The following ADAD2 variants were observed in gnomAD, a reference collection of about 807,000 sequenced individuals.
ADAD2 encodes the protein adenosine deaminase domain containing 2.
In ADAD2, 60 loss-of-function variants were observed where a neutral mutation model predicts 54.5. The observed-to-expected ratio is 1.10, with a 90% confidence interval of 0.89 to 1.36. The LOEUF (loss-of-function observed/expected upper bound fraction) is 1.36. ADAD2 is among the 40% of genes most tolerant of loss of function. The pLI, the probability that ADAD2 is intolerant of heterozygous loss-of-function variation, is 0.00. For missense variants in ADAD2, 1,103 were observed against 801.3 expected (o/e 1.38, Z -4.54); for synonymous variants, 543 against 366.2 (o/e 1.48, Z -5.51).
rs984052987 is a variant in ADAD2, at chr16:84,196,982, C to T, written c.*8C>T. The T allele has an allele frequency of 1.3e-6, 2 of 1,585,110 alleles. No homozygotes were observed. Among genetic ancestry groups the T allele is most frequent in the Non-Finnish European group, 1.7e-6 (2 of 1,166,754 alleles). On this transcript the variant is annotated 3_prime_UTR_variant, in exon 10 of 10. Transcript: ENST00000315906. The stretch of plus-strand genomic sequence containing the variant: ...GGCAAATTCAGAAACTGAAGCCAGC[C>T]TCGGCGGGACCGAGGTCCCGGAGCC...
chr16:84,192,327 T>G (rs2089666521), intron 1 of ADAD2, among the ~76,000 whole-genome samples: 1 of 152,072 alleles, frequency 6.6e-6, no homozygotes, highest in Non-Finnish European at 1.5e-5. Flanking sequence ...GTATTTTTTT[T>G]GTAGAGATTA....
intron 1 of ADAD2, 36 bp downstream of exon 1, chr16:84,191,684 C>G (rs1249216501): frequency 6.5e-7 from 1 of 1,547,512 alleles, no homozygotes; most frequent in Non-Finnish European, 8.7e-7. Flanking sequence ...TGCCAGAGGG[C>G]AGAGCCACGG....
At chr16:84,194,820 T>A in intron 2 of ADAD2, 113 bp from the exon 3 acceptor site, 1 of 1,319,004 alleles carries the variant, frequency 7.6e-7, no homozygotes, top group Non-Finnish European at 1.0e-6. Context: ...GCAGCTCGTG[T>A]AATGTCCTGT....
intron 1 of ADAD2, chr16:84,191,974 T>G: frequency 2.1e-6 from 1 of 468,668 alleles, no homozygotes; most frequent in Non-Finnish European, 3.9e-6. Flanking sequence ...CAATTTAAGT[T>G]GCCGTGCTAG....
chr16:84,194,001 C>T (rs753198184), intron 1 of ADAD2: 8 of 1,567,206 alleles, frequency 5.1e-6, no homozygotes, highest in Non-Finnish European at 6.9e-6. Flanking sequence ...GATACTGTTT[C>T]ATAGGAAAAG....
chr16:84,196,565 A>T (rs2089733745), intron 8 of ADAD2, 82 bp from the exon 9 acceptor site: 7 of 1,573,380 alleles, frequency 4.4e-6, no homozygotes, highest in Non-Finnish European at 5.2e-6. Context: ...ACAGTGTGAG[A>T]GGAGGTAGTG....
Position 84,196,664 on chromosome 16 carries a change from C to T in ADAD2, c.1544C>T (p.Pro515Leu), listed in dbSNP as rs1447440987. The T allele has an allele frequency of 6.2e-7, 1 of 1,613,552 alleles. No individual in the cohort carries two copies. The highest frequency in any genetic ancestry group is 1.7e-5 in the Admixed American group (1 of 60,016). ...TCATCCAGTGCCGCCCTGGGGCCTC[C>T]CTCCCGTCTCTGCAAGGCCTCCTTT... ...RVKANAALGPPSRLCKASFLR... is the reference protein window; with the variant it reads ...RVKANAALGPLSRLCKASFLR... The change falls in exon 9 of 10, where the codon CCC becomes CTC. Residue 515 changes from proline to leucine, a missense_variant. Coordinates refer to ENST00000315906, the MANE Select transcript of ADAD2 (RefSeq NM_001145400.2).
At position 84,191,222 on chromosome 16, in the gene ADAD2, T is replaced by C; in HGVS notation, c.-9T>C. Reference sequence around the variant, plus strand: ...TAGGGCCTAGCGCCTCAGATCTTCGTTGGCGGCCATGGCTTCGGCTTCTCA... The same window carrying C: ...TAGGGCCTAGCGCCTCAGATCTTCGCTGGCGGCCATGGCTTCGGCTTCTCA... On this transcript the variant is annotated 5_prime_UTR_variant, in exon 1 of 10. Coordinates refer to ENST00000315906, the MANE Select transcript of ADAD2 (RefSeq NM_001145400.2). 6.2e-7 allele frequency: 1 copy of C among 1,606,676 alleles called. No homozygotes were observed. Among genetic ancestry groups the C allele is most frequent in the East Asian group, 2.2e-5 (1 of 44,690 alleles).
At position 84,194,961 on chromosome 16, in the gene ADAD2, A is replaced by G; in HGVS notation, c.588A>G (p.Pro196=). 6.2e-7 allele frequency: 1 copy of G among 1,612,474 alleles called. No homozygotes were observed. The highest frequency in any genetic ancestry group is 8.5e-7 in the Non-Finnish European group (1 of 1,179,484). The stretch of plus-strand genomic sequence containing the variant: ...CCCCCCAGACCTCCAGCCGGCCTCC[A>G]CTGGCCCCCCTGAGCGTAGGTAGGT... ...PESPQTSSRP[P]LAPLSVENIL... Residue 196 remains proline, a synonymous_variant, in exon 3 of 10, where the codon CCA becomes CCG. Coordinates refer to ENST00000315906, the MANE Select transcript of ADAD2 (RefSeq NM_001145400.2).
In ADAD2 at chr16:84,196,651, G is replaced by A. The variant is rs200997815; in HGVS notation, c.1531G>A (p.Ala511Thr). ...VATGRVKANAALGPPSRLCKA... is the reference protein window; with the variant it reads ...VATGRVKANATLGPPSRLCKA... ...TGGTATCCTCTCTTCATCCAGTGCCGCCCTGGGGCCTCCCTCCCGTCTCTG... is the reference window on the plus strand; with the variant it reads ...TGGTATCCTCTCTTCATCCAGTGCCACCCTGGGGCCTCCCTCCCGTCTCTG... Residue 511 changes from alanine to threonine, a missense_variant, in exon 9 of 10, where the codon GCC (alanine) becomes ACC (threonine). By Grantham distance (58) the Ala-to-Thr change is moderately conservative. Coordinates refer to ENST00000315906, the MANE Select transcript of ADAD2 (RefSeq NM_001145400.2). 6.3e-4 allele frequency: 1,012 copies of A among 1,612,986 alleles called. No individual in the cohort carries two copies. The highest frequency in any genetic ancestry group is 7.9e-4 in the Non-Finnish European group (936 of 1,179,802).
Position 84,195,391 on chromosome 16 carries a change from G to A in ADAD2, c.829G>A (p.Gly277Ser), listed in dbSNP as rs752701869. The change falls in exon 5 of 10, where the codon GGC becomes AGC. Residue 277 changes from glycine (G) to serine (S), a missense_variant. Coordinates refer to ENST00000315906, the MANE Select transcript of ADAD2 (RefSeq NM_001145400.2). The part of the protein sequence containing the change: ...SCCAGWLEFS[G>S]QQLHDCHGLV... ...CTGTGCTGGCTGGCTGGAGTTCTCG[G>A]GCCAGCAGCTCCACGACTGCCATGG... 1 of 1,608,938 alleles carries A rather than the reference G, an allele frequency of 6.2e-7. No homozygotes were observed. The highest frequency in any genetic ancestry group is 1.7e-5 in the Admixed American group (1 of 59,838).
At chr16:84,194,027 C>T in intron 1 of ADAD2, 3 of 1,595,544 alleles carry the variant, frequency 1.9e-6, no homozygotes, top group Non-Finnish European at 2.6e-6. Context: ...AAATATAGAG[C>T]CCCTGGAGGA....
At position 84,196,997 on chromosome 16, in the gene ADAD2, G is replaced by T; in HGVS notation, c.*23G>T. ...TGAAGCCAGCCTCGGCGGGACCGAG[G>T]TCCCGGAGCCAAGCTGTACCCCTGC... On this transcript the variant is annotated 3_prime_UTR_variant, in exon 10 of 10. Transcript: ENST00000315906. 6.4e-7 allele frequency: 1 copy of T among 1,568,014 alleles called. No homozygotes were observed. The highest frequency in any genetic ancestry group is 8.6e-7 in the Non-Finnish European group (1 of 1,156,994).
rs1222151607 is a variant in ADAD2, at chr16:84,195,904, A to C, written c.1142A>C (p.Tyr381Ser). The change falls in exon 7 of 10, where the codon TAC (tyrosine) becomes TCC (serine). Residue 381 changes from tyrosine to serine, a missense_variant. Tyr to Ser is a moderately radical substitution (Grantham distance 144). Transcript: ENST00000315906. ...HVLGQLKPVC[Y>S]VAPSLCDTHV... is the part of the protein sequence containing the mutation. ...CTCGGGCAGCTGAAGCCTGTGTGCTACGTGGCGCCCTCGCTCTGTGACACC... is the reference window on the plus strand; with the variant it reads ...CTCGGGCAGCTGAAGCCTGTGTGCTCCGTGGCGCCCTCGCTCTGTGACACC... 1 of 1,601,602 alleles carries C rather than the reference A, an allele frequency of 6.2e-7. No homozygotes were observed. Among genetic ancestry groups the C allele is most frequent in the Admixed American group, 1.7e-5 (1 of 59,956 alleles).
intron 1 of ADAD2, chr16:84,193,956 C>T (rs1228447346): frequency 1.3e-6 from 2 of 1,489,454 alleles, no homozygotes; most frequent in African/African-American, 1.4e-5. Context: ...CCAGATTTTT[C>T]ATCTCTCTTT....
chr16:84,194,758 G>A, intron 2 of ADAD2, 175 bp from the exon 3 acceptor site: 9 of 1,305,702 alleles, frequency 6.9e-6, no homozygotes, highest in Non-Finnish European at 9.5e-6. Context: ...ACATGTGCCG[G>A]TCCCTGCTTT....
intron 9 of ADAD2, 23 bp downstream of exon 9, chr16:84,196,790 G>A (rs370126231): frequency 8.1e-5 from 106 of 1,314,824 alleles, no homozygotes; most frequent in East Asian, 6.5e-4. Context: ...CCCTCCCCCC[G>A]TCCCGGTCCC....
At position 84,195,906 on chromosome 16, in the gene ADAD2, G is replaced by A. The variant is rs142081193; in HGVS notation, c.1144G>A (p.Val382Met). 8 of 1,601,404 alleles carry A rather than the reference G, an allele frequency of 5.0e-6. No individual in the cohort carries two copies. The highest frequency in any genetic ancestry group is 5.1e-6 in the Non-Finnish European group (6 of 1,179,646). The stretch of plus-strand genomic sequence containing the variant: ...CGGGCAGCTGAAGCCTGTGTGCTAC[G>A]TGGCGCCCTCGCTCTGTGACACCCA... ...VLGQLKPVCY[V>M]APSLCDTHVG... Residue 382 changes from valine (V) to methionine (M), a missense_variant, in exon 7 of 10, where the codon GTG (valine) becomes ATG (methionine). Val to Met is a conservative substitution (Grantham distance 21). Transcript: ENST00000315906.
rs753285208 is a variant in ADAD2, at chr16:84,196,357, C to G, written c.1513C>G (p.Arg505Gly). Residue 505 changes from arginine (R) to glycine (G), a missense_variant, in exon 8 of 10, where the codon CGT (arginine) becomes GGT (glycine). Physicochemically the swap from Arg to Gly is moderately radical, Grantham distance 125. Coordinates refer to ENST00000315906, the MANE Select transcript of ADAD2 (RefSeq NM_001145400.2). ...CGAGGTTGTGGATGTGGCCACCGGG[C>G]GTGTGAAGGCCAAGTGAGAAGGGCC... Reference protein sequence around the residue: ...GIEVVDVATGRVKANAALGPP... With the variant: ...GIEVVDVATGGVKANAALGPP... 1 of 1,611,374 alleles carries G rather than the reference C, an allele frequency of 6.2e-7. No individual in the cohort carries two copies. Among genetic ancestry groups the G allele is most frequent in the East Asian group, 2.2e-5 (1 of 44,844 alleles).
Sources: gnomAD v4.1 joint callset for allele counts (sites outside exome capture counted in the v4.1 genomes callset) on GRCh38, gnomAD v4.1.1 for gene constraint, MANE v1.5 for transcripts, NCBI Gene and HGNC (gene_info 2026-07-23, HGNC 2026-07-21) for gene names.